GATAD1: variants seen among roughly 807,000 people sequenced by gnomAD.
GATAD1 encodes GATA zinc finger domain-containing protein 1.
GATAD1 carries 12 observed loss-of-function variants against 26.5 expected under a neutral mutation model. The ratio of observed to expected loss-of-function variants is 0.45; its 90% CI spans 0.29 to 0.73. The LOEUF (loss-of-function observed/expected upper bound fraction) is 0.73, where lower values mean the gene tolerates loss of function less well. Among genes scored for constraint, GATAD1 ranks in the 30% least tolerant of loss-of-function variants. The probability of loss-of-function intolerance (pLI) is 0.10; values close to 1 mark genes in which losing one functional copy is unlikely to be tolerated. For synonymous variants in GATAD1, 129 were observed against 133.1 expected, an observed-to-expected ratio of 0.97 and a Z score of 0.21; for missense variants, 266 against 342.1, an observed-to-expected ratio of 0.78 and a Z score of 1.75.
At chr7:92,488,776 C>T in the GATAD1 span, among the ~76,000 whole-genome samples, 2 of 149,704 alleles carry the variant, frequency 1.3e-5, no homozygotes, top group African/African-American at 4.9e-5. Flanking sequence ...GTGGCCCAGG[C>T]TGGATGGAGT....
At chr7:92,448,068 T>C (rs1789240222) in intron 1 of GATAD1, 90 bp downstream of exon 1, 1 of 994,858 alleles carries the variant, frequency 1.0e-6, no homozygotes, top group African/African-American at 1.7e-5. Context: ...GGGCGCGGGC[T>C]TCCCCGATCG....
At chr7:92,489,916 A>G in the GATAD1 span, 12 of 1,612,238 alleles carry the variant, frequency 7.4e-6, no homozygotes, top group Non-Finnish European at 1.0e-5. Context: ...TGAGCTCTGC[A>G]TGGTAAATTG....
rs1468217003 is a variant in GATAD1 at position 92,447,713 on chromosome 7, C to T, written c.-17C>T. 4.8e-6 allele frequency: 7 copies of T among 1,449,396 alleles called. No homozygotes were observed. Among genetic ancestry groups the T allele is most frequent in the East Asian group, 3.0e-5 (1 of 32,946 alleles). The allele number at this position is 1,449,396 out of a possible 1,614,324, so 89.8% of individuals were successfully genotyped here. A position where few individuals can be genotyped will look rare whatever the true frequency, so the allele number is the denominator to read the frequency against. ...CCCGTGTCTCTGCGCCCGCGGGGGC[C>T]GCCCGAGCCGGCCACCATGCCGCTG... On this transcript the variant is annotated 5_prime_UTR_variant, in exon 1 of 5. Transcript: ENST00000287957.
At chr7:92,478,246 A>G in the GATAD1 span, among the ~76,000 whole-genome samples, 1 of 152,188 alleles carries the variant, frequency 6.6e-6, no homozygotes, top group Non-Finnish European at 1.5e-5. Flanking sequence ...CCAGAAAGGA[A>G]GCCCGCCCCA....
chr7:92,469,280 A>G, the GATAD1 span: 18 of 764,408 alleles, frequency 2.4e-5, no homozygotes, highest in African/African-American at 2.5e-4. Flanking sequence ...TGATCTTGCA[A>G]GGTGACCAGG....
Position 92,447,767 on chromosome 7 carries a change from A to G in GATAD1, c.38A>G (p.Lys13Arg), listed in dbSNP as rs1585162259. 2.7e-6 allele frequency: 4 copies of G among 1,499,362 alleles called. No homozygotes were observed. Among genetic ancestry groups the G allele is most frequent in the African/African-American group, 1.5e-5 (1 of 68,468 alleles). 92.9% of individuals were successfully genotyped at this position (1,499,362 alleles called of 1,614,324 possible). A position where few individuals can be genotyped will look rare whatever the true frequency, so the allele number is the denominator to read the frequency against. Residue 13 changes from lysine (K) to arginine (R), a missense_variant, in exon 1 of 5, where the codon AAG (lysine) becomes AGG (arginine). Physicochemically the swap from Lys to Arg is conservative, Grantham distance 26. Transcript: ENST00000287957. ...CTGAAGCCCACCTGCAGCGTATGCA[A>G]GACCACGTCGTCCTCCATGTGGAAG... ...LGLKPTCSVC[K>R]TTSSSMWKKG...
chr7:92,455,188 A>G (rs887955726), intron 4 of GATAD1, among the ~76,000 whole-genome samples: 2 of 152,172 alleles, frequency 1.3e-5, no homozygotes, highest in African/African-American at 4.8e-5. Flanking sequence ...AGCTTTATAG[A>G]AAATATGAGG....
downstream of GATAD1, chr7:92,461,250 G>A (rs1789911297): frequency 6.6e-6 from 1 of 152,146 alleles, no homozygotes; most frequent in South Asian, 2.1e-4. Flanking sequence ...GTTTGGCGAG[G>A]GTAAGAGACT....
At chr7:92,489,155 G>T in the GATAD1 span, 1 of 799,910 alleles carries the variant, frequency 1.3e-6, no homozygotes, top group Non-Finnish European at 2.0e-6. Context: ...TTAATGCATA[G>T]CTACGACACA....
chr7:92,486,053 G>A, the GATAD1 span, among the ~76,000 whole-genome samples: 3 of 152,206 alleles, frequency 2.0e-5, no homozygotes, highest in Non-Finnish European at 4.4e-5. Context: ...CCACCCCAGT[G>A]CTTAAGATTC....
At chr7:92,465,150 C>T in the GATAD1 span, 14 of 152,156 alleles carry the variant, frequency 9.2e-5, no homozygotes, top group Admixed American at 9.2e-4. Context: ...ATGGAAATGT[C>T]ACTGCTGAAC....
chr7:92,472,772 C>T, the GATAD1 span: 1 of 152,216 alleles, frequency 6.6e-6, no homozygotes, highest in African/African-American at 2.4e-5. Flanking sequence ...GGATGTGTTC[C>T]TCACTGAGGG....
At chr7:92,478,232 C>T in the GATAD1 span, among the ~76,000 whole-genome samples, 1 of 152,228 alleles carries the variant, frequency 6.6e-6, no homozygotes, top group Admixed American at 6.5e-5. Context: ...GTTTTGCCCT[C>T]ATCCCAGAAA....
Position 92,454,397 on chromosome 7 carries a change from C to G in GATAD1, c.436-105C>G, listed in dbSNP as rs1175781673. On this transcript the variant is annotated intron_variant, in intron 3 of 4. Coordinates refer to ENST00000287957, the MANE Select transcript of GATAD1 (RefSeq NM_021167.5). ...CTGATACATTAGACTATCTCGAACA[C>G]CTTTTACTGACCACTTTGAAAACTT... 6 of 830,154 alleles carry G rather than the reference C, an allele frequency of 7.2e-6. No homozygotes were observed. The African/African-American group carries it at 8.5e-5, about 12-fold the overall frequency. The allele number at this position is 830,154 out of a possible 1,614,324, so 51.4% of individuals were successfully genotyped here. A position where few individuals can be genotyped will look rare whatever the true frequency, so the allele number is the denominator to read the frequency against.
At chr7:92,470,138 C>T in the GATAD1 span, 1 of 778,802 alleles carries the variant, frequency 1.3e-6, no homozygotes, top group Non-Finnish European at 2.4e-6. Flanking sequence ...TGAGTATTTG[C>T]ATGCATGCAA....
chr7:92,471,169 C>T, the GATAD1 span: 8,256 of 166,952 alleles, frequency 0.049, 210 homozygotes, highest in Middle Eastern at 0.084. Context: ...TCTGCCCAAC[C>T]CGTGAAAGTA....
At chr7:92,465,652 G>T in the GATAD1 span, among the ~76,000 whole-genome samples, 1 of 151,974 alleles carries the variant, frequency 6.6e-6, no homozygotes, top group Admixed American at 6.6e-5. Flanking sequence ...TCACTAACCT[G>T]TGTTGTTTAT....
chr7:92,461,245 G>A (rs1789910931), downstream of GATAD1: 1 of 152,220 alleles, frequency 6.6e-6, no homozygotes, highest in Admixed American at 6.5e-5. Context: ...TGGAGGTTTG[G>A]CGAGGGTAAG....
At chr7:92,469,585 G>C in the GATAD1 span, 1 of 764,720 alleles carries the variant, frequency 1.3e-6, no homozygotes, top group Non-Finnish European at 2.4e-6. Flanking sequence ...AAATATTCCT[G>C]AGGGTAGGCA....
Sources: gnomAD v4.1 joint callset for allele counts (sites outside exome capture counted in the v4.1 genomes callset) on GRCh38, gnomAD v4.1.1 for gene constraint, MANE v1.5 for transcripts, NCBI Gene and HGNC (gene_info 2026-07-23, HGNC 2026-07-21) for gene names.